The following SLC35F1 variants were observed in gnomAD, a reference collection of about 807,000 sequenced individuals.
The protein encoded by SLC35F1 is solute carrier family 35 member F1.
Under a neutral mutation model 48.7 loss-of-function variants are expected in SLC35F1, and 14 were observed. The observed-to-expected ratio is 0.29, with a 90% CI of 0.19 to 0.45. SLC35F1 has a LOEUF of 0.45. SLC35F1 is among the 20% of genes least tolerant of loss of function. The pLI, the probability that SLC35F1 is intolerant of heterozygous loss-of-function variation, is 1.00. For missense variants in SLC35F1, 404 were observed against 500.0 expected (o/e 0.81, Z 1.83); for synonymous variants, 190 against 202.2 (o/e 0.94, Z 0.51).
intron 1 of SLC35F1, among the ~76,000 whole-genome samples, chr6:118,022,204 CAG>C (rs1777404096): frequency 6.6e-6 from 1 of 152,134 alleles, no homozygotes; most frequent in African/African-American, 2.4e-5. Context: ...TTTCTGACTA[CAG>C]CATCAAAATG....
At position 118,021,776 on chromosome 6, in the gene SLC35F1, A is replaced by G. The variant is rs186817053; in HGVS notation, c.173+113877A>G. Reference sequence around the variant, plus strand: ...CAATTTGGCTGGAATTAGCTGAGCAATTCTTCCACTGGTCTCACAGGGGGC... The same window carrying G: ...CAATTTGGCTGGAATTAGCTGAGCAGTTCTTCCACTGGTCTCACAGGGGGC... On this transcript the variant is annotated intron_variant, in intron 1 of 7. Coordinates refer to ENST00000360388, the MANE Select transcript of SLC35F1 (RefSeq NM_001029858.4). Among the ~76,000 whole-genome samples, 309 of 152,308 alleles carry G rather than the reference A, an allele frequency of 2.0e-3. 2 individuals are homozygous for G. The highest frequency in any genetic ancestry group is 7.0e-3 in the African/African-American group (293 of 41,576).
chr6:118,315,809 TC>T lies in SLC35F1; in HGVS notation c.*1558del, dbSNP rs1157209885. ...AAGACCTTGAGTGATATGTCACTAG[TC>T]TAATCTGTTGCCCTTAAAATAGCCC... On this transcript the variant is annotated 3_prime_UTR_variant, in exon 8 of 8. Transcript: ENST00000360388. The T allele has an allele frequency of 1.3e-5, 2 of 152,164 alleles. No individual in the cohort carries two copies. The highest frequency in any genetic ancestry group is 2.9e-5 in the Non-Finnish European group (2 of 68,022). The allele number at this position is 152,164 out of a possible 1,614,324, so 9.4% of individuals were successfully genotyped here.
chr6:118,300,423 C>A (rs996600805), intron 7 of SLC35F1, among the ~76,000 whole-genome samples: 1 of 152,156 alleles, frequency 6.6e-6, no homozygotes, highest in Non-Finnish European at 1.5e-5. Flanking sequence ...ATTTCATGTT[C>A]TTCACACTTT....
intron 3 of SLC35F1, among the ~76,000 whole-genome samples, chr6:118,256,208 GTGTGTGT>G (rs1562341193): frequency 0.011 from 157 of 14,196 alleles, no homozygotes; most frequent in African/African-American, 0.013. Context: ...GACTTCTGGT[GTGTGTGT>G]GTGTGTGTGT....
At chr6:118,268,576 ATATATATG>A (rs1433649488) in intron 4 of SLC35F1, among the ~76,000 whole-genome samples, 1 of 98,698 alleles carries the variant, frequency 1.0e-5, no homozygotes, top group Non-Finnish European at 2.2e-5. Flanking sequence ...TTCTAAAGTC[ATATATATG>A]TATATATATA....
At chr6:118,135,408 A>T (rs1281105171) in intron 1 of SLC35F1, among the ~76,000 whole-genome samples, 1 of 152,234 alleles carries the variant, frequency 6.6e-6, no homozygotes, top group Non-Finnish European at 1.5e-5. Context: ...CAACAGAAAC[A>T]CAGTTTATGT....
At chr6:117,956,297 G>A (rs912402232) in intron 1 of SLC35F1, among the ~76,000 whole-genome samples, 1 of 152,222 alleles carries the variant, frequency 6.6e-6, no homozygotes, top group Non-Finnish European at 1.5e-5. Flanking sequence ...AGCATTCACA[G>A]CCTTCTGGAC....
At chr6:117,993,790 C>G (rs1316110008) in intron 1 of SLC35F1, among the ~76,000 whole-genome samples, 6 of 152,174 alleles carry the variant, frequency 3.9e-5, no homozygotes, top group African/African-American at 1.4e-4. Context: ...GACATATCCT[C>G]AATTCAGGTT....
intron 2 of SLC35F1, among the ~76,000 whole-genome samples, chr6:118,160,991 G>A (rs1185413698): frequency 1.3e-5 from 2 of 151,204 alleles, no homozygotes; most frequent in Admixed American, 6.6e-5. Flanking sequence ...TAAAGGCTTC[G>A]TATTTGTTCT....
intron 2 of SLC35F1, among the ~76,000 whole-genome samples, chr6:118,203,045 A>G (rs567718883): frequency 3.9e-5 from 6 of 152,288 alleles, no homozygotes; most frequent in South Asian, 2.1e-4. Context: ...GTTCCTACCT[A>G]TGGGTAATTT....
chr6:118,138,971 AACACAC>A (rs58109876), intron 1 of SLC35F1, among the ~76,000 whole-genome samples: 3 of 149,986 alleles, frequency 2.0e-5, no homozygotes, highest in Admixed American at 6.6e-5. Flanking sequence ...TTTCAGCAGA[AACACAC>A]ACACACACAC....
At chr6:118,032,810 T>C (rs1053295694) in intron 1 of SLC35F1, among the ~76,000 whole-genome samples, 1 of 152,246 alleles carries the variant, frequency 6.6e-6, no homozygotes, top group East Asian at 1.9e-4. Context: ...ATACCTTTCA[T>C]GAGCCAACTC....
intron 2 of SLC35F1, among the ~76,000 whole-genome samples, chr6:118,166,935 A>T (rs1169233551): frequency 6.6e-6 from 1 of 152,194 alleles, no homozygotes; most frequent in Non-Finnish European, 1.5e-5. Context: ...TGATTACTTT[A>T]TATAGAACCT....
intron 1 of SLC35F1, among the ~76,000 whole-genome samples, chr6:117,954,240 AAG>A (rs1351418378): frequency 6.6e-6 from 1 of 152,062 alleles, no homozygotes; most frequent in Non-Finnish European, 1.5e-5. Context: ...CCAAGAAGAC[AAG>A]AGTTTGTTTT....
intron 1 of SLC35F1, among the ~76,000 whole-genome samples, chr6:118,094,805 TA>T (rs1773125590): frequency 6.6e-6 from 1 of 151,910 alleles, no homozygotes; most frequent in Non-Finnish European, 1.5e-5. Context: ...CTGTCTCTAC[TA>T]AAAATACAAA....
intron 1 of SLC35F1, among the ~76,000 whole-genome samples, chr6:118,052,022 TC>T (rs535952233): frequency 1.2e-3 from 190 of 152,224 alleles, no homozygotes; most frequent in Middle Eastern, 3.4e-3. Context: ...ACCCCATCAT[TC>T]CAGGGCTTGT....
intron 1 of SLC35F1, among the ~76,000 whole-genome samples, chr6:118,031,315 G>A (rs1309326116): frequency 6.6e-6 from 1 of 152,050 alleles, no homozygotes; most frequent in Non-Finnish European, 1.5e-5. Flanking sequence ...TACTTTCAAG[G>A]GCAGGTATGA....
At chr6:118,016,575 A>G (rs1777325931) in intron 1 of SLC35F1, among the ~76,000 whole-genome samples, 1 of 152,148 alleles carries the variant, frequency 6.6e-6, no homozygotes, top group Non-Finnish European at 1.5e-5. Context: ...TGAAATCAAT[A>G]TTTTAGGGTA....
intron 2 of SLC35F1, among the ~76,000 whole-genome samples, chr6:118,233,249 G>A (rs1775319173): frequency 6.6e-6 from 1 of 152,250 alleles, no homozygotes; most frequent in South Asian, 2.1e-4. Flanking sequence ...ACAGGCGTGA[G>A]CCACCGCGCC....
Sources: allele counts gnomAD v4.1 joint callset (sites outside exome capture counted in the v4.1 genomes callset), GRCh38; gene constraint gnomAD v4.1.1; transcripts MANE v1.5; gene names NCBI Gene and HGNC (gene_info 2026-07-23, HGNC 2026-07-21).